Variants in PHKA1 observed in about 807,000 individuals in gnomAD.
PHKA1 encodes phosphorylase kinase regulatory subunit alpha 1, also known as phosphorylase b kinase regulatory subunit alpha, skeletal muscle isoform.
Under a neutral mutation model 110.2 loss-of-function variants are expected in PHKA1, and 60 were observed. The observed-to-expected ratio is 0.54, with a 90% CI of 0.44 to 0.68. The LOEUF is 0.68. PHKA1 is among the 30% of genes least tolerant of loss of function. PHKA1 has a pLI of 0.00. For missense variants in PHKA1, 801 were observed against 942.5 expected (o/e 0.85, Z 1.97); for synonymous variants, 316 against 333.6 (o/e 0.95, Z 0.58).
intron 8 of PHKA1, among the ~76,000 whole-genome samples, chrX:72,664,271 A>T (rs1163104044): frequency 9.0e-6 from 1 of 111,152 alleles, no homozygotes; most frequent in Non-Finnish European, 1.9e-5. Context: ...AAAAGCAAGC[A>T]GGAGTAGCTA....
Position 72,605,603 on chromosome X carries a change from C to T in PHKA1, c.2623G>A (p.Ala875Thr), listed in dbSNP as rs1406924000. Residue 875 changes from alanine to threonine, a missense_variant, in exon 24 of 32, where the codon GCG (alanine) becomes ACG (threonine). Around this residue, in one of 2 missense-constraint regions of PHKA1, gnomAD observed 502 missense variants for 519.2 expected, o/e 0.97. Coordinates refer to ENST00000373542, the MANE Select transcript of PHKA1 (RefSeq NM_002637.4). ...KTISAPLPYE[A>T]LTQLIDEASE... ...GCTTCATCTATCAGCTGAGTGAGCG[C>T]CTCATAGGGCAGAGGTCTAAGGAAA... 1 of 1,201,700 alleles carries T rather than the reference C, an allele frequency of 8.3e-7. No homozygotes were observed. Among genetic ancestry groups the T allele is most frequent in the South Asian group, 1.8e-5 (1 of 56,689 alleles).
intron 30 of PHKA1, 117 bp from the exon 31 acceptor site, chrX:72,582,715 CA>C: frequency 1.8e-6 from 1 of 541,626 alleles, no homozygotes; most frequent in Non-Finnish European, 3.3e-6. Context: ...CAGCCCCCTT[CA>C]AAATAACTGA....
chrX:72,619,160 T>C, intron 20 of PHKA1, 54 bp downstream of exon 20: 1 of 744,224 alleles, frequency 1.3e-6, no homozygotes. Context: ...TTATTTCCCA[T>C]AAAGATGGCA....
At chrX:72,704,062 A>G (rs781929141) in intron 3 of PHKA1, among the ~76,000 whole-genome samples, 1 of 112,518 alleles carries the variant, frequency 8.9e-6, no homozygotes, top group Non-Finnish European at 1.9e-5. Context: ...TATAATGTAC[A>G]ATAACTTTTC....
intron 28 of PHKA1, among the ~76,000 whole-genome samples, chrX:72,594,870 A>T (rs1414724305): frequency 1.8e-5 from 2 of 112,396 alleles, no homozygotes; most frequent in African/African-American, 6.5e-5. Flanking sequence ...ATTCTACAAA[A>T]CATTTAAAGA....
At chrX:72,697,393 A>T (rs1368485753) in intron 3 of PHKA1, among the ~76,000 whole-genome samples, 2 of 110,702 alleles carry the variant, frequency 1.8e-5, no homozygotes, top group Non-Finnish European at 3.8e-5. Flanking sequence ...GATTTTTTTT[A>T]AAAGAGCTCA....
At chrX:72,667,691 A>G (rs1556307043) in intron 6 of PHKA1, among the ~76,000 whole-genome samples, 1 of 112,151 alleles carries the variant, frequency 8.9e-6, no homozygotes, top group Non-Finnish European at 1.9e-5. Flanking sequence ...CTGTAGCACT[A>G]TCAAGTATCA....
At chrX:72,624,743 C>T (rs1396657739) in intron 17 of PHKA1, among the ~76,000 whole-genome samples, 1 of 111,382 alleles carries the variant, frequency 9.0e-6, no homozygotes. Context: ...TGAAGGGGTG[C>T]TCTCCATCTT....
intron 25 of PHKA1, among the ~76,000 whole-genome samples, chrX:72,604,606 T>C (rs782613541): frequency 9.0e-6 from 1 of 111,599 alleles, no homozygotes; most frequent in Admixed American, 9.5e-5. Flanking sequence ...ACTTTGATTT[T>C]ATTTTTCTAT....
At chrX:72,607,776 C>T (rs1396539582) in intron 23 of PHKA1, among the ~76,000 whole-genome samples, 3 of 111,807 alleles carry the variant, frequency 2.7e-5, no homozygotes, top group Admixed American at 9.5e-5. Flanking sequence ...TCAACAACTG[C>T]TCTCAATTGG....
intron 13 of PHKA1, among the ~76,000 whole-genome samples, chrX:72,649,721 C>T (rs1342899838): frequency 9.0e-6 from 1 of 111,237 alleles, no homozygotes; most frequent in Non-Finnish European, 1.9e-5. Flanking sequence ...CAGCCGGGCG[C>T]AGTGGCTCGC....
chrX:72,630,937 A>C (rs2053155937), intron 16 of PHKA1, among the ~76,000 whole-genome samples: 1 of 109,725 alleles, frequency 9.1e-6, no homozygotes, highest in Non-Finnish European at 1.9e-5. Context: ...GAATGTTAAA[A>C]AATGTTAAAT....
chrX:72,694,853 T>C (rs1161543673), intron 4 of PHKA1, among the ~76,000 whole-genome samples: 2 of 111,639 alleles, frequency 1.8e-5, no homozygotes, highest in Admixed American at 9.5e-5. Flanking sequence ...TTATTAGAAA[T>C]AGAGTTATAG....
At chrX:72,601,903 C>T (rs1268229145) in intron 28 of PHKA1, 88 bp downstream of exon 28, 1 of 663,479 alleles carries the variant, frequency 1.5e-6, no homozygotes, top group Non-Finnish European at 2.4e-6. Flanking sequence ...GACTTGTTAT[C>T]TTATTTGTAA....
Position 72,618,763 on chromosome X carries a change from C to T in PHKA1, c.2316G>A (p.Glu772=), listed in dbSNP as rs781955694. The T allele has an allele frequency of 8.4e-7, 1 of 1,193,010 alleles. No homozygotes were observed. The highest frequency in any genetic ancestry group is 1.1e-6 in the Non-Finnish European group (1 of 878,529). Residue 772 remains glutamate (E), a synonymous_variant, in exon 21 of 32, where the codon GAG becomes GAA. Coordinates refer to ENST00000373542, the MANE Select transcript of PHKA1 (RefSeq NM_002637.4). ...DFKALVLQLK[E]TSSLQEQADI... ...CAGCTTGTTCCTGTAAGCTTGAGGT[C>T]TCCTTCAACTGTAAAACCAGTGCTT...
Position 72,714,284 on chromosome X carries a change from T to TGCGGGAGACGCGA in PHKA1, c.-417_-405dup, listed in dbSNP as rs1488503203. ...AACGACCGCTGCGCCGCCTCCACCT[T>TGCGGGAGACGCGA]GCGGGAGACGCGAGCGGGAGGCGGG... On this transcript the variant is annotated 5_prime_UTR_variant, in exon 1 of 32. Transcript: ENST00000373542. The TGCGGGAGACGCGA allele has an allele frequency of 2.2e-5, 3 of 133,434 alleles. No individual in the cohort carries two copies. Among genetic ancestry groups the TGCGGGAGACGCGA allele is most frequent in the Admixed American group, 8.7e-5 (1 of 11,485 alleles). The allele number at this position is 133,434 out of a possible 1,213,427, so 11.0% of individuals were successfully genotyped here.
At chrX:72,586,325 G>A (rs782127955) in intron 29 of PHKA1, among the ~76,000 whole-genome samples, 4 of 112,435 alleles carry the variant, frequency 3.6e-5, no homozygotes, top group Non-Finnish European at 7.5e-5. Flanking sequence ...CAACAGACCT[G>A]CAGCTGAGAG....
chrX:72,627,887 G>A (rs2053105214), intron 16 of PHKA1, among the ~76,000 whole-genome samples: 3 of 98,732 alleles, frequency 3.0e-5, no homozygotes, highest in Non-Finnish European at 5.9e-5. Context: ...GCTTGATCTC[G>A]GCTCACTGCA....
chrX:72,633,813 C>G (rs1379907114), intron 16 of PHKA1, among the ~76,000 whole-genome samples: 1 of 111,777 alleles, frequency 8.9e-6, no homozygotes, highest in Non-Finnish European at 1.9e-5. Flanking sequence ...AATATCTTTG[C>G]TTATTTTCAA....
Sources: gnomAD v4.1 joint callset for allele counts (sites outside exome capture counted in the v4.1 genomes callset) on GRCh38, gnomAD v4.1.1 for gene constraint, gnomAD v4.1.1 regional missense constraint, MANE v1.5 for transcripts, NCBI Gene and HGNC (gene_info 2026-07-23, HGNC 2026-07-21) for gene names.